The following REXO1 variants were observed in gnomAD, a reference collection of about 807,000 sequenced individuals.
REXO1 encodes the protein RNA exonuclease 1 homolog, also known as REX1, RNA exonuclease 1 homolog.
A neutral mutation model predicts 102.6 loss-of-function variants in REXO1; 42 were observed. The observed-to-expected ratio is 0.41, with a 90% CI of 0.32 to 0.53. The LOEUF (loss-of-function observed/expected upper bound fraction) is 0.53. Among genes scored for constraint, REXO1 ranks in the 20% least tolerant of loss-of-function variants. The probability of loss-of-function intolerance (pLI) is 0.27; values close to 1 mark genes in which losing one functional copy is unlikely to be tolerated. For synonymous variants in REXO1, 908 were observed against 779.1 expected, an observed-to-expected ratio of 1.17 and a Z score of -2.76; for missense variants, 1,819 against 1,732.5, an observed-to-expected ratio of 1.05 and a Z score of -0.89.
intron 12 of REXO1, 87 bp downstream of exon 12, chr19:1,817,132 A>AGATG: frequency 1.2e-6 from 1 of 806,494 alleles, no homozygotes. Flanking sequence ...CCGGTGAGCC[A>AGATG]GGCCCAGATG....
chr19:1,834,407 G>A (rs1268147920), intron 1 of REXO1, among the ~76,000 whole-genome samples: 5 of 152,234 alleles, frequency 3.3e-5, no homozygotes, highest in African/African-American at 9.6e-5. Flanking sequence ...TTTCTAACTG[G>A]AAGCCTGTGT....
chr19:1,824,815 T>A (rs1286302356), intron 3 of REXO1, among the ~76,000 whole-genome samples: 1 of 152,052 alleles, frequency 6.6e-6, no homozygotes, highest in African/African-American at 2.4e-5. Flanking sequence ...AGACAGAGTC[T>A]TGCCTTGTCG....
At chr19:1,848,133 G>A (rs1321998892) in intron 1 of REXO1, 69 bp downstream of exon 1, 5 of 780,986 alleles carry the variant, frequency 6.4e-6, no homozygotes, top group Admixed American at 4.4e-5. Context: ...GACCCCGGGC[G>A]GGACCGGGGT....
intron 1 of REXO1, among the ~76,000 whole-genome samples, chr19:1,847,235 G>C (rs535126257): frequency 2.2e-4 from 34 of 152,352 alleles, no homozygotes; most frequent in African/African-American, 7.9e-4. Context: ...AGAAAAAAAT[G>C]CTACCTTTTC....
rs1451469899 is a variant in REXO1 at position 1,815,279 on chromosome 19, GC to G, written c.*786del. On this transcript the variant is annotated 3_prime_UTR_variant, in exon 16 of 16. Coordinates refer to ENST00000170168, the MANE Select transcript of REXO1 (RefSeq NM_020695.4). The surrounding 1 kb of genome is among the most constrained non-coding windows in gnomAD (Gnocchi z 4.0). ...CCATACAAACATTTATTCTGTCCCTGCCTGGAGGTGAGGGGGAAGGGGGTCC... is the reference window on the plus strand; with the variant it reads ...CCATACAAACATTTATTCTGTCCCTGCTGGAGGTGAGGGGGAAGGGGGTCC... 6.5e-6 allele frequency: 1 copy of G among 153,224 alleles called. No individual in the cohort carries two copies. The highest frequency in any genetic ancestry group is 1.5e-5 in the Non-Finnish European group (1 of 68,798). 9.5% of individuals were successfully genotyped at this position (153,224 alleles called of 1,614,324 possible).
At chr19:1,847,889 C>T (rs549217816) in intron 1 of REXO1, among the ~76,000 whole-genome samples, 2 of 152,354 alleles carry the variant, frequency 1.3e-5, no homozygotes, top group African/African-American at 4.8e-5. Flanking sequence ...CCGCGCCCGT[C>T]TCCCGAGCCC....
At chr19:1,817,481 G>A (rs1223068976) in intron 11 of REXO1, 152 bp from the exon 12 acceptor site, 2 of 1,474,312 alleles carry the variant, frequency 1.4e-6, no homozygotes, top group Non-Finnish European at 9.0e-7. Context: ...TGGGGAAGGG[G>A]GCTTGCCAAG....
At chr19:1,835,773 G>C (rs1568711582) in intron 1 of REXO1, among the ~76,000 whole-genome samples, 2 of 152,136 alleles carry the variant, frequency 1.3e-5, no homozygotes, top group Non-Finnish European at 2.9e-5. Context: ...CTTCCTCCCT[G>C]CTTCACCCCA....
intron 1 of REXO1, among the ~76,000 whole-genome samples, chr19:1,831,922 G>A (rs1045215116): frequency 1.3e-5 from 2 of 148,984 alleles, no homozygotes; most frequent in Non-Finnish European, 3.0e-5. Context: ...CTGCTCCCCC[G>A]AGACACACCC....
At position 1,825,927 on chromosome 19, in the gene REXO1, TTCTC is replaced by T; in HGVS notation, c.1924_1927del (p.Glu642ArgfsTer10). The T allele has an allele frequency of 1.3e-6, 2 of 1,599,304 alleles. No homozygotes were observed. Among genetic ancestry groups the T allele is most frequent in the Non-Finnish European group, 1.7e-6 (2 of 1,175,270 alleles). ...ACCCGAAAGCCCCTTCTCCTCACTC[TTCTC>T]TTCCTTGGGGGGCTAAGACACATGT... On this transcript the variant is annotated frameshift_variant, in exon 3 of 16. Transcript: ENST00000170168. LOFTEE classifies it high-confidence loss of function.
At position 1,827,558 on chromosome 19, in the gene REXO1, G is replaced by A; in HGVS notation, c.1231C>T (p.Pro411Ser). 2 of 1,595,542 alleles carry A rather than the reference G, an allele frequency of 1.3e-6. No individual in the cohort carries two copies. The highest frequency in any genetic ancestry group is 1.1e-5 in the South Asian group (1 of 88,966). ...DKGRGRPVEK[P>S]RADKKGPQAS... ...TGCGGGCCCTTCTTGTCCGCACGGGGCTTCTCCACAGGCCGCCCTCGGCCC... is the reference window on the plus strand; with the variant it reads ...TGCGGGCCCTTCTTGTCCGCACGGGACTTCTCCACAGGCCGCCCTCGGCCC... The change falls in exon 2 of 16, where the codon CCC (proline) becomes TCC (serine). Residue 411 changes from proline to serine, a missense_variant. Physicochemically the swap from Pro to Ser is moderately conservative, Grantham distance 74 (BLOSUM62 -1). Coordinates refer to ENST00000170168, the MANE Select transcript of REXO1 (RefSeq NM_020695.4).
intron 1 of REXO1, among the ~76,000 whole-genome samples, chr19:1,833,495 C>A (rs2069960080): frequency 6.6e-6 from 1 of 152,226 alleles, no homozygotes; most frequent in South Asian, 2.1e-4. Context: ...GCGAGGGCAC[C>A]CAACTAGGAT....
chr19:1,827,226 G>A lies in REXO1; in HGVS notation c.1563C>T (p.Leu521=). The A allele has an allele frequency of 6.5e-7, 1 of 1,545,746 alleles. No individual in the cohort carries two copies. Among genetic ancestry groups the A allele is most frequent in the Non-Finnish European group, 8.7e-7 (1 of 1,150,308 alleles). The change falls in exon 2 of 16, where the codon CTC becomes CTT. Residue 521 remains leucine (L), a synonymous_variant. Transcript: ENST00000170168. ...LKKRALSHAD[L]FGDESEDEAA... ...CCTCGTCCTCACTCTCGTCCCCAAA[G>A]AGGTCGGCGTGGCTCAGGGCCCGCT... is the stretch of plus-strand genomic sequence containing the variant.
intron 5 of REXO1, among the ~76,000 whole-genome samples, chr19:1,821,046 C>CAAA (rs1408492763): frequency 6.8e-6 from 1 of 147,580 alleles, no homozygotes; most frequent in Non-Finnish European, 1.5e-5. Context: ...CAAGACAAAA[C>CAAA]AAAAAAACAC....
At chr19:1,816,869 C>T (rs2069382182) in intron 12 of REXO1, 56 bp from the exon 13 acceptor site, 1 of 1,316,906 alleles carries the variant, frequency 7.6e-7, no homozygotes, top group East Asian at 2.3e-5. Flanking sequence ...CCCTCCCTCC[C>T]CTTCCCTGCC....
intron 1 of REXO1, among the ~76,000 whole-genome samples, chr19:1,842,437 T>C (rs2011326867): frequency 6.6e-6 from 1 of 152,194 alleles, no homozygotes; most frequent in South Asian, 2.1e-4. Context: ...TCTCCTAACA[T>C]TCCCAAGGTG....
chr19:1,816,641 G>GGGGGCC, intron 13 of REXO1, 57 bp downstream of exon 13: 1 of 1,021,776 alleles, frequency 9.8e-7, no homozygotes, highest in Non-Finnish European at 1.5e-6. Context: ...GGGAGGGTGG[G>GGGGGCC]TCCCTGGGGA....
rs766449630 is a variant in REXO1, at chr19:1,816,270, G to A, written c.3532C>T (p.Arg1178Trp). Residue 1178 changes from arginine to tryptophan, a missense_variant, in exon 15 of 16, where the codon CGG becomes TGG. Physicochemically the swap from Arg to Trp is moderately radical, Grantham distance 101. Coordinates refer to ENST00000170168, the MANE Select transcript of REXO1 (RefSeq NM_020695.4). Reference protein sequence around the residue: ...RLGLPYKRSLRNLMADYLRQI... With the variant: ...RLGLPYKRSLWNLMADYLRQI... ...CTGAGGTAGTCGGCCATGAGGTTCC[G>A]CAGGGACCGCTTGTAGGGGAGGCCC... 8.8e-6 allele frequency: 14 copies of A among 1,587,572 alleles called. No homozygotes were observed. The highest frequency in any genetic ancestry group is 4.0e-5 in the African/African-American group (3 of 74,424).
At chr19:1,844,313 G>C (rs2011438432) in intron 1 of REXO1, among the ~76,000 whole-genome samples, 1 of 152,218 alleles carries the variant, frequency 6.6e-6, no homozygotes, top group Non-Finnish European at 1.5e-5. Context: ...GCTGTTTGGG[G>C]GTCACAGGCA....
Sources: gnomAD v4.1 joint callset for allele counts (sites outside exome capture counted in the v4.1 genomes callset) on GRCh38, gnomAD v4.1.1 for gene constraint, Gnocchi (gnomAD v3.1) non-coding constraint, MANE v1.5 for transcripts, NCBI Gene and HGNC (gene_info 2026-07-23, HGNC 2026-07-21) for gene names.